Variants in GRIN2D observed in about 807,000 individuals in gnomAD.
GRIN2D encodes the protein glutamate receptor ionotropic, NMDA 2D.
In GRIN2D, 37 loss-of-function variants were observed where a neutral mutation model predicts 103.2. The ratio of observed to expected loss-of-function variants is 0.36; its 90% CI spans 0.28 to 0.47. GRIN2D has a LOEUF of 0.47. Among genes scored for constraint, GRIN2D ranks in the 20% least tolerant of loss-of-function variants. GRIN2D has a pLI of 1.00. For missense variants in GRIN2D, 1,557 were observed against 1,910.6 expected, an observed-to-expected ratio of 0.81 and a Z score of 3.45; for synonymous variants, 845 against 885.6, an observed-to-expected ratio of 0.95 and a Z score of 0.81.
intron 4 of GRIN2D, among the ~76,000 whole-genome samples, chr19:48,407,845 G>T (rs1362808330): frequency 1.1e-4 from 17 of 152,228 alleles, no homozygotes; most frequent in Non-Finnish European, 2.5e-4. Context: ...GGCTATGCTA[G>T]GTGGGGTGGT....
rs373811602 is a variant in GRIN2D at position 48,394,445 on chromosome 19, C to G, written c.-305-213C>G. 0.016 allele frequency among the ~76,000 whole-genome samples: 1,096 copies of G among 69,754 alleles called. 15 individuals are homozygous for G. The highest frequency in any genetic ancestry group is 0.058 in the African/African-American group (1,051 of 18,110). 45.8% of individuals were successfully genotyped at this position (69,754 alleles called of 152,430 possible). ...ACCCAGACAGACAGATAGACACAGACGCTGGAAGGGGGGGTGGGGGGGCTG... is the reference window on the plus strand; with the variant it reads ...ACCCAGACAGACAGATAGACACAGAGGCTGGAAGGGGGGGTGGGGGGGCTG... On this transcript the variant is annotated intron_variant, in intron 1 of 13. Transcript: ENST00000263269. This position sits in a 1 kb window ranked among gnomAD's most constrained non-coding sequence, Gnocchi z 5.1.
In GRIN2D at chr19:48,442,864, G is replaced by A. The variant is rs989064379; in HGVS notation, c.2938G>A (p.Ala980Thr). Residue 980 changes from alanine (A) to threonine (T), a missense_variant, in exon 14 of 14, where the codon GCG becomes ACG. Around this residue, in one of 7 missense-constraint regions of GRIN2D, gnomAD observed 632 missense variants for 572.8 expected, o/e 1.10. Transcript: ENST00000263269. This position sits in a 1 kb window ranked among gnomAD's most constrained non-coding sequence, Gnocchi z 7.2. ...PQGLGLGLGE[A>T]RAAPRGAAGR... ...GGGCCTAGGCCTCGGCCTGGGCGAA[G>A]CGCGCGCGGCACCGCGGGGCGCAGC... is the stretch of plus-strand genomic sequence containing the variant. The A allele has an allele frequency of 3.7e-6, 4 of 1,082,690 alleles. No individual in the cohort carries two copies. In the African/African-American group the frequency reaches 5.1e-5, roughly 14 times the overall value. 67.1% of individuals were successfully genotyped at this position (1,082,690 alleles called of 1,614,324 possible).
rs545603546 is a variant in GRIN2D, at chr19:48,434,708, AC to A, written c.2253-7060del. Reference sequence around the variant, plus strand: ...CTTGGCCTCCCAAAGCGATGGGATGACAAGCTTGAGTGACCACTCCCTACCT... The same window carrying A: ...CTTGGCCTCCCAAAGCGATGGGATGAAAGCTTGAGTGACCACTCCCTACCT... On this transcript the variant is annotated intron_variant, in intron 11 of 13. Coordinates refer to ENST00000263269, the MANE Select transcript of GRIN2D (RefSeq NM_000836.4). Among the ~76,000 whole-genome samples the A allele has an allele frequency of 3.3e-3, 501 of 152,124 alleles. 3 individuals are homozygous for A. Among genetic ancestry groups the A allele is most frequent in the Non-Finnish European group, 4.6e-3 (311 of 68,006 alleles).
Position 48,414,659 on chromosome 19 carries a change from C to T in GRIN2D, c.1412+75C>T, listed in dbSNP as rs77702826. 4.6e-4 allele frequency: 649 copies of T among 1,398,752 alleles called. No homozygotes were observed. In the African/African-American group the frequency reaches 7.7e-3, roughly 17 times the overall value. The allele number at this position is 1,398,752 out of a possible 1,614,324, so 86.6% of individuals were successfully genotyped here. ...AAGCCCAGTAGTCTGGGCCCCCAGC[C>T]CCCTCCTCCCTTGGGACCCAGGACC... On this transcript the variant is annotated intron_variant, in intron 6 of 13. Transcript: ENST00000263269. This position sits in a 1 kb window ranked among gnomAD's most constrained non-coding sequence, Gnocchi z 4.6.
At chr19:48,402,261 G>A (rs1039206508) in intron 3 of GRIN2D, among the ~76,000 whole-genome samples, 11 of 152,164 alleles carry the variant, frequency 7.2e-5, no homozygotes, top group Admixed American at 2.6e-4. Context: ...GCAGTGAGGA[G>A]TGGACAACTG....
intron 8 of GRIN2D, 101 bp from the exon 9 acceptor site, chr19:48,419,133 C>T: frequency 9.4e-7 from 1 of 1,067,326 alleles, no homozygotes. Context: ...CCTGCCTCAG[C>T]CTCCCAAAGT....
chr19:48,415,536 G>A (rs896500325), intron 7 of GRIN2D, among the ~76,000 whole-genome samples: 9 of 147,806 alleles, frequency 6.1e-5, no homozygotes, highest in Non-Finnish European at 1.2e-4. Context: ...AGGGACTTTG[G>A]AGCAGAGGAG....
In GRIN2D at chr19:48,414,745, C is replaced by T; in HGVS notation, c.1413-119C>T. The T allele has an allele frequency of 1.5e-6, 2 of 1,312,494 alleles. No homozygotes were observed. The highest frequency in any genetic ancestry group is 2.1e-6 in the Non-Finnish European group (2 of 945,468). The allele number at this position is 1,312,494 out of a possible 1,614,324, so 81.3% of individuals were successfully genotyped here. On this transcript the variant is annotated intron_variant, in intron 6 of 13. Transcript: ENST00000263269. The surrounding 1 kb of genome is among the most constrained non-coding windows in gnomAD (Gnocchi z 4.6). ...CTCAGAATTCTTTGAGCCTGAGTTT[C>T]CCCTGAAAGCGCTAACCATAGTTTT...
At chr19:48,409,432 C>T (rs977470814) in intron 4 of GRIN2D, among the ~76,000 whole-genome samples, 1 of 151,902 alleles carries the variant, frequency 6.6e-6, no homozygotes, top group Non-Finnish European at 1.5e-5. Context: ...TGCCTGCCAC[C>T]ACACCTGGCT....
At chr19:48,427,410 A>G (rs111270994) in intron 11 of GRIN2D, among the ~76,000 whole-genome samples, 18,795 of 149,982 alleles carry the variant, frequency 0.13, 2,055 homozygotes, top group African/African-American at 0.3. Context: ...AGAGAGTTCT[A>G]CTTGTTCCAT....
intron 2 of GRIN2D, among the ~76,000 whole-genome samples, chr19:48,395,483 G>A (rs1165472699): frequency 6.6e-6 from 1 of 152,078 alleles, no homozygotes; most frequent in African/African-American, 2.4e-5. Flanking sequence ...CGGGTGGGGA[G>A]AGACCGATGT....
chr19:48,424,073 C>A (rs1971056096), intron 11 of GRIN2D, among the ~76,000 whole-genome samples: 1 of 151,914 alleles, frequency 6.6e-6, no homozygotes. Context: ...CCTGCCTCAG[C>A]CTCCCAAAGT....
At chr19:48,439,225 AAAAC>A (rs954114459) in intron 11 of GRIN2D, among the ~76,000 whole-genome samples, 14 of 150,686 alleles carry the variant, frequency 9.3e-5, no homozygotes, top group African/African-American at 1.7e-4. Context: ...CCCATCTCTA[AAAAC>A]AAACAAACAA....
rs1026587923 is a variant in GRIN2D at position 48,442,713 on chromosome 19, C to T, written c.2787C>T (p.Pro929=). The part of the protein sequence containing the change: ...AYPAPRPAPG[P]APFVPRERAS... ...CCGCGCCGCGGCCGGCTCCCGGGCC[C>T]GCACCTTTCGTGCCCCGCGAGCGCG... The change falls in exon 14 of 14, where the codon CCC becomes CCT. Residue 929 remains proline, a synonymous_variant. Coordinates refer to ENST00000263269, the MANE Select transcript of GRIN2D (RefSeq NM_000836.4). The surrounding 1 kb of genome is among the most constrained non-coding windows in gnomAD (Gnocchi z 7.2). 1.8e-6 allele frequency: 2 copies of T among 1,141,470 alleles called. No individual in the cohort carries two copies. The highest frequency in any genetic ancestry group is 4.8e-5 in the Admixed American group (1 of 20,926). 70.7% of individuals were successfully genotyped at this position (1,141,470 alleles called of 1,614,324 possible).
intron 4 of GRIN2D, 83 bp from the exon 5 acceptor site, chr19:48,413,908 T>C (rs577720283): frequency 1.3e-6 from 1 of 789,140 alleles, no homozygotes; most frequent in East Asian, 2.5e-5. Context: ...GGGGCTGGTC[T>C]GCAGAAAGGG....
In GRIN2D at chr19:48,442,988, C is replaced by T. The variant is rs1257725072; in HGVS notation, c.3062C>T (p.Ala1021Val). ...VRDKEPAEPPAGAFPGFPSPP... is the reference protein window; with the variant it reads ...VRDKEPAEPPVGAFPGFPSPP... ...GACAAGGAGCCAGCCGAGCCCCCCGCCGGCGCCTTCCCCGGCTTCCCGTCG... is the reference window on the plus strand; with the variant it reads ...GACAAGGAGCCAGCCGAGCCCCCCGTCGGCGCCTTCCCCGGCTTCCCGTCG... Residue 1021 changes from alanine (A) to valine (V), a missense_variant, in exon 14 of 14, where the codon GCC becomes GTC. Coordinates refer to ENST00000263269, the MANE Select transcript of GRIN2D (RefSeq NM_000836.4). This position sits in a 1 kb window ranked among gnomAD's most constrained non-coding sequence, Gnocchi z 7.2. 1 of 1,108,782 alleles carries T rather than the reference C, an allele frequency of 9.0e-7. No individual in the cohort carries two copies. The allele number at this position is 1,108,782 out of a possible 1,614,324, so 68.7% of individuals were successfully genotyped here.
Position 48,421,204 on chromosome 19 carries a change from G to A in GRIN2D, c.2092-581G>A, listed in dbSNP as rs190178865. ...AGCACTTTGGGAGGCCAAGGCGGGC[G>A]GATCACCTGAGGTTGGTAGTTCGAG... On this transcript the variant is annotated intron_variant, in intron 10 of 13. Coordinates refer to ENST00000263269, the MANE Select transcript of GRIN2D (RefSeq NM_000836.4). This position sits in a 1 kb window ranked among gnomAD's most constrained non-coding sequence, Gnocchi z 4.8. Among the ~76,000 whole-genome samples, 5 of 152,266 alleles carry A rather than the reference G, an allele frequency of 3.3e-5. No individual in the cohort carries two copies. Among genetic ancestry groups the A allele is most frequent in the East Asian group, 1.9e-4 (1 of 5,190 alleles).
chr19:48,410,754 G>A (rs547567572), intron 4 of GRIN2D, among the ~76,000 whole-genome samples: 1 of 152,020 alleles, frequency 6.6e-6, no homozygotes, highest in African/African-American at 2.4e-5. Flanking sequence ...CAGGCAGGAG[G>A]CTGGGATGAG....
chr19:48,426,224 C>CTTTCTTTCTTTTTTTTTTTTTTTTT (rs1555893889), intron 11 of GRIN2D, among the ~76,000 whole-genome samples: 13 of 120,084 alleles, frequency 1.1e-4, no homozygotes, highest in African/African-American at 3.6e-4. Flanking sequence ...TTCTTTCTTT[C>CTTTCTTTCTTTTTTTTTTTTTTTTT]TTTTTTTTTT....
Sources: gnomAD v4.1 joint callset for allele counts (sites outside exome capture counted in the v4.1 genomes callset) on GRCh38, gnomAD v4.1.1 for gene constraint, gnomAD v4.1.1 regional missense constraint, Gnocchi (gnomAD v3.1) non-coding constraint, MANE v1.5 for transcripts, NCBI Gene and HGNC (gene_info 2026-07-23, HGNC 2026-07-21) for gene names.